Variants in MAPK6 observed in about 807,000 individuals in gnomAD.
MAPK6 encodes the protein mitogen-activated protein kinase 6.
Under a neutral mutation model 59.3 loss-of-function variants are expected in MAPK6, and 19 were observed. The ratio of observed to expected loss-of-function variants is 0.32; its 90% CI spans 0.22 to 0.47. MAPK6 has a LOEUF of 0.47. Among genes scored for constraint, MAPK6 ranks in the 20% least tolerant of loss-of-function variants. MAPK6 has a pLI of 1.00. For missense variants in MAPK6, 724 were observed against 847.9 expected (o/e 0.85, Z 1.81); for synonymous variants, 316 against 290.3 (o/e 1.09, Z -0.90).
At chr15:51,988,440 G>C (rs2057197788) in intron 2 of MAPK6, among the ~76,000 whole-genome samples, 1 of 152,030 alleles carries the variant, frequency 6.6e-6, no homozygotes, top group African/African-American at 2.4e-5. Flanking sequence ...TGGCTTTAGA[G>C]CAACAGAAAT....
chr15:51,996,263 G>A (rs2057223965), intron 2 of MAPK6, among the ~76,000 whole-genome samples: 1 of 152,196 alleles, frequency 6.6e-6, no homozygotes, highest in African/African-American at 2.4e-5. Context: ...CCCCCGCCAA[G>A]ATTGTTGGTC....
At chr15:52,015,209 C>G (rs1368251639), upstream of MAPK6, among the ~76,000 whole-genome samples, 1 of 152,078 alleles carries the variant, frequency 6.6e-6, no homozygotes, top group Non-Finnish European at 1.5e-5. Flanking sequence ...CCATGTTGGT[C>G]AGGCTGGTCT....
intron 1 of MAPK6, among the ~76,000 whole-genome samples, chr15:52,023,128 A>AAC (rs2030608763): frequency 6.7e-6 from 1 of 148,706 alleles, no homozygotes; most frequent in Admixed American, 6.7e-5. Flanking sequence ...AAAAAAAAAA[A>AAC]CCGAAAAACA....
At chr15:51,995,906 C>G (rs904986578) in intron 2 of MAPK6, among the ~76,000 whole-genome samples, 1 of 151,080 alleles carries the variant, frequency 6.6e-6, no homozygotes, top group African/African-American at 2.5e-5. Flanking sequence ...CCAGCCTGGG[C>G]TACAGAGTGA....
intron 2 of MAPK6, among the ~76,000 whole-genome samples, chr15:51,991,312 G>T (rs967478767): frequency 6.6e-6 from 1 of 151,836 alleles, no homozygotes; most frequent in African/African-American, 2.4e-5. Flanking sequence ...AATATAACCC[G>T]AGGCATCATG....
At chr15:52,054,745 C>CAT (rs1566912110) in intron 3 of MAPK6, among the ~76,000 whole-genome samples, 26 of 141,894 alleles carry the variant, frequency 1.8e-4, no homozygotes, top group African/African-American at 5.9e-4. Context: ...CACACACACA[C>CAT]ACACATATAC....
intron 2 of MAPK6, among the ~76,000 whole-genome samples, chr15:51,991,804 C>T (rs2470595): frequency 0.039 from 5,882 of 152,150 alleles, 268 homozygotes; most frequent in African/African-American, 0.095. Context: ...TAGAAGAATC[C>T]GGCACAGAGC....
intron 1 of MAPK6, among the ~76,000 whole-genome samples, chr15:52,043,524 C>G (rs925914195): frequency 4.6e-5 from 7 of 151,802 alleles, no homozygotes; most frequent in African/African-American, 7.3e-5. Flanking sequence ...CTCGAACTCA[C>G]GACCTGAGGA....
chr15:52,015,147 T>C (rs1258366851), upstream of MAPK6, among the ~76,000 whole-genome samples: 1 of 150,918 alleles, frequency 6.6e-6, no homozygotes. Context: ...ATTACAGGCA[T>C]GCACCACCAG....
rs1404658067 is a variant in MAPK6, at chr15:52,065,929, G to A, written c.*929G>A. 2 of 152,324 alleles carry A rather than the reference G, an allele frequency of 1.3e-5. No individual in the cohort carries two copies. The highest frequency in any genetic ancestry group is 2.9e-5 in the Non-Finnish European group (2 of 67,992). The allele number at this position is 152,324 out of a possible 1,614,324, so 9.4% of individuals were successfully genotyped here. On this transcript the variant is annotated 3_prime_UTR_variant, in exon 6 of 6. Transcript: ENST00000261845. ...CTATCTACAAAGAAAAATTAATTAG[G>A]AATTACTTTATTATAAAATGCTCCT...
At chr15:52,055,802 A>G (rs1476574907) in intron 3 of MAPK6, among the ~76,000 whole-genome samples, 1 of 152,226 alleles carries the variant, frequency 6.6e-6, no homozygotes, top group Admixed American at 6.5e-5. Flanking sequence ...GGTGTGAGCC[A>G]CTGCTCTCGG....
intron 5 of MAPK6, 127 bp from the exon 6 acceptor site, chr15:52,063,775 G>C: frequency 1.5e-6 from 1 of 651,830 alleles, no homozygotes; most frequent in Non-Finnish European, 2.3e-6. Context: ...GGCAAGGCAG[G>C]CATATTTACT....
chr15:52,000,192 G>A (rs1486295656), intron 2 of MAPK6, among the ~76,000 whole-genome samples: 1 of 152,056 alleles, frequency 6.6e-6, no homozygotes, highest in Non-Finnish European at 1.5e-5. Context: ...TCCTGCCTCA[G>A]CCTCCCAAAG....
At chr15:52,015,087 G>C (rs1318751949), upstream of MAPK6, among the ~76,000 whole-genome samples, 2 of 151,498 alleles carry the variant, frequency 1.3e-5, no homozygotes, top group African/African-American at 4.9e-5. Context: ...TGCAACCTCC[G>C]CCTCCCGGGT....
chr15:52,046,714 G>C lies in MAPK6; in HGVS notation c.254G>C (p.Gly85Ala). 1 of 1,614,142 alleles carries C rather than the reference G, an allele frequency of 6.2e-7. No individual in the cohort carries two copies. The highest frequency in any genetic ancestry group is 8.5e-7 in the Non-Finnish European group (1 of 1,180,034). The change falls in exon 2 of 6, where the codon GGT becomes GCT. Residue 85 changes from glycine (G) to alanine (A), a missense_variant. Physicochemically the swap from Gly to Ala is moderately conservative, Grantham distance 60. Around this residue, in one of 4 missense-constraint regions of MAPK6, gnomAD observed 87 missense variants for 93.0 expected, o/e 0.93. Transcript: ENST00000261845. ...ATTGTGAAAGTGTTTGAGATTCTTG[G>C]TCCCAGTGGAAGCCAATTAACAGAC... ...DNIVKVFEIL[G>A]PSGSQLTDDV...
At chr15:52,022,224 T>G (rs2141850252) in intron 1 of MAPK6, among the ~76,000 whole-genome samples, 1 of 152,304 alleles carries the variant, frequency 6.6e-6, no homozygotes, top group South Asian at 2.1e-4. Context: ...ATACTGTTTA[T>G]TTTTCCAAAG....
intron 1 of MAPK6, among the ~76,000 whole-genome samples, chr15:52,043,780 G>A (rs2031510524): frequency 1.5e-5 from 1 of 68,264 alleles, no homozygotes; most frequent in Non-Finnish European, 2.8e-5. Flanking sequence ...TTTTTTTGAG[G>A]CAGAGTCTCG....
Position 52,067,346 on chromosome 15 carries a change from A to G in MAPK6, c.*2346A>G, listed in dbSNP as rs1042359733. The G allele has an allele frequency of 1.7e-4, 26 of 152,216 alleles. No individual in the cohort carries two copies. The highest frequency in any genetic ancestry group is 5.5e-4 in the African/African-American group (23 of 41,444). 9.4% of individuals were successfully genotyped at this position (152,216 alleles called of 1,614,324 possible). On this transcript the variant is annotated 3_prime_UTR_variant, in exon 6 of 6. Coordinates refer to ENST00000261845, the MANE Select transcript of MAPK6 (RefSeq NM_002748.4). Reference sequence around the variant, plus strand: ...GGCTGAGTACTAAGTTGTAAAGTCAATTTCCAATAAAAATTTTATGTGCCA... The same window carrying G: ...GGCTGAGTACTAAGTTGTAAAGTCAGTTTCCAATAAAAATTTTATGTGCCA...
chr15:52,052,373 G>T (rs951239972), intron 3 of MAPK6, among the ~76,000 whole-genome samples: 1 of 152,184 alleles, frequency 6.6e-6, no homozygotes. Flanking sequence ...AGACAGCAAG[G>T]AGAAAGCCAG....
Sources: gnomAD v4.1 joint callset for allele counts (sites outside exome capture counted in the v4.1 genomes callset) on GRCh38, gnomAD v4.1.1 for gene constraint, gnomAD v4.1.1 regional missense constraint, MANE v1.5 for transcripts, NCBI Gene and HGNC (gene_info 2026-07-23, HGNC 2026-07-21) for gene names.